ADAM28: variants seen among roughly 807,000 people sequenced by gnomAD.
ADAM28 encodes the protein ADAM metallopeptidase domain 28.
ADAM28 carries 105 observed loss-of-function variants against 101.2 expected under a neutral mutation model. The ratio of observed to expected loss-of-function variants is 1.04; its 90% CI spans 0.89 to 1.22. The LOEUF (loss-of-function observed/expected upper bound fraction) is 1.22, where lower values mean the gene tolerates loss of function less well. Among genes scored for constraint, ADAM28 ranks in the 50% most tolerant of loss-of-function variants. The pLI, the probability that ADAM28 is intolerant of heterozygous loss-of-function variation, is 0.00. For synonymous variants in ADAM28, 322 were observed against 310.6 expected (o/e 1.04, Z -0.39); for missense variants, 1,028 against 945.4 (o/e 1.09, Z -1.15).
In ADAM28 at chr8:24,355,028, A is replaced by C. The variant is rs998963243; in HGVS notation, c.*624A>C. ...TCACTTTTTAAATGGAGAAAATTTCAGTTAAATTAATAGGATAAACCAGGT... is the reference window on the plus strand; with the variant it reads ...TCACTTTTTAAATGGAGAAAATTTCCGTTAAATTAATAGGATAAACCAGGT... On this transcript the variant is annotated 3_prime_UTR_variant, in exon 23 of 23. Transcript: ENST00000265769. The C allele has an allele frequency of 2.0e-5, 3 of 152,610 alleles. No individual in the cohort carries two copies. Among genetic ancestry groups the C allele is most frequent in the Non-Finnish European group, 4.4e-5 (3 of 68,018 alleles). 9.5% of individuals were successfully genotyped at this position (152,610 alleles called of 1,614,324 possible).
At chr8:24,341,898 G>C (rs1003329204) in intron 16 of ADAM28, 141 bp downstream of exon 16, 16 of 978,238 alleles carry the variant, frequency 1.6e-5, no homozygotes, top group Non-Finnish European at 2.3e-5. Context: ...CACAGAGTTT[G>C]AATTTGGAAC....
rs1353556337 is a variant in ADAM28, at chr8:24,299,973, G to GT, written c.47dup (p.Ser17LysfsTer13). 3 of 1,606,916 alleles carry GT rather than the reference G, an allele frequency of 1.9e-6. No homozygotes were observed. Among genetic ancestry groups the GT allele is most frequent in the Middle Eastern group, 3.3e-4 (2 of 6,018 alleles). The stretch of plus-strand genomic sequence containing the variant: ...AGTCTTTTCTTTTTCTTTTTTCTCA[G>GT]TAAGTGCTATAAAAGAACTCCCTGG... On this transcript the variant is annotated frameshift_variant and splice_region_variant. Coordinates refer to ENST00000265769, the MANE Select transcript of ADAM28 (RefSeq NM_014265.6). LOFTEE classifies it high-confidence loss of function.
chr8:24,350,505 T>C (rs11779651), intron 19 of ADAM28, among the ~76,000 whole-genome samples: 55,525 of 151,874 alleles, frequency 0.37, 10,752 homozygotes, highest in Admixed American at 0.49. Flanking sequence ...GAGATGGGGT[T>C]TCACCATGTT....
chr8:24,320,933 A>G (rs1811785015), intron 7 of ADAM28, among the ~76,000 whole-genome samples: 1 of 151,964 alleles, frequency 6.6e-6, no homozygotes, highest in Non-Finnish European at 1.5e-5. Flanking sequence ...TTAATTCTGC[A>G]CACCTTAGAA....
intron 14 of ADAM28, 83 bp downstream of exon 14, chr8:24,335,724 A>G (rs1352055131): frequency 7.0e-7 from 1 of 1,419,522 alleles, no homozygotes; most frequent in East Asian, 2.6e-5. Context: ...TCAAAGGACC[A>G]TTCTGTCCTA....
chr8:24,352,463 AT>A (rs1816278750), intron 21 of ADAM28, among the ~76,000 whole-genome samples: 1 of 152,160 alleles, frequency 6.6e-6, no homozygotes, highest in Non-Finnish European at 1.5e-5. Flanking sequence ...TTTTTATTGT[AT>A]CCTCACATAG....
intron 2 of ADAM28, among the ~76,000 whole-genome samples, chr8:24,305,151 C>T (rs778861154): frequency 6.6e-6 from 1 of 151,794 alleles, no homozygotes; most frequent in Non-Finnish European, 1.5e-5. Flanking sequence ...AATATTCTCT[C>T]TACATTTAGA....
chr8:24,353,315 T>G (rs1449332545), intron 21 of ADAM28, among the ~76,000 whole-genome samples: 1 of 151,894 alleles, frequency 6.6e-6, no homozygotes, highest in African/African-American at 2.4e-5. Flanking sequence ...GGAATAAGAG[T>G]CAGGTGCTCA....
chr8:24,323,920 AAGCTTCACCTTGG>A lies in ADAM28; in HGVS notation c.810_822del (p.Ser270ArgfsTer22). On this transcript the variant is annotated frameshift_variant, in exon 9 of 23. Transcript: ENST00000265769. LOFTEE classifies it high-confidence loss of function. Reference sequence around the variant, plus strand: ...ATAAGATAAAGATAACCCCAAATGCAAGCTTCACCTTGGAGAATTTTTCTAAATGGAGGGGGAG... The same window carrying A: ...ATAAGATAAAGATAACCCCAAATGCAAGAATTTTTCTAAATGGAGGGGGAG... The A allele has an allele frequency of 6.2e-7, 1 of 1,612,368 alleles. No individual in the cohort carries two copies. The highest frequency in any genetic ancestry group is 1.3e-5 in the African/African-American group (1 of 74,934).
At chr8:24,342,085 G>C (rs991446681) in intron 16 of ADAM28, among the ~76,000 whole-genome samples, 4 of 152,120 alleles carry the variant, frequency 2.6e-5, no homozygotes, top group African/African-American at 9.7e-5. Flanking sequence ...TTTCATAGAC[G>C]AAGTCTGAAA....
chr8:24,350,392 A>G (rs1171675325), intron 19 of ADAM28, among the ~76,000 whole-genome samples: 2 of 151,862 alleles, frequency 1.3e-5, no homozygotes, highest in Non-Finnish European at 2.9e-5. Context: ...GCTCACTGCA[A>G]CCTCCACACC....
At chr8:24,326,821 T>C (rs917860144) in intron 10 of ADAM28, among the ~76,000 whole-genome samples, 186 bp downstream of exon 10, 1 of 152,082 alleles carries the variant, frequency 6.6e-6, no homozygotes, top group East Asian at 1.9e-4. Flanking sequence ...GATAATGCAT[T>C]ATCTTTTTAA....
rs1816083268 is a variant in ADAM28, at chr8:24,351,219, T to G, written c.2100-13T>G. 6.4e-7 allele frequency: 1 copy of G among 1,550,620 alleles called. No individual in the cohort carries two copies. Among genetic ancestry groups the G allele is most frequent in the Non-Finnish European group, 8.7e-7 (1 of 1,151,462 alleles). On this transcript the variant is annotated splice_polypyrimidine_tract_variant and intron_variant, in intron 19 of 22. Coordinates refer to ENST00000265769, the MANE Select transcript of ADAM28 (RefSeq NM_014265.6). ...TGCTAAGTCAATTGATATCATGTGT[T>G]TCTCTCTTACAGGCCACTATCTACC...
chr8:24,335,196 C>T (rs1306088014), intron 13 of ADAM28, among the ~76,000 whole-genome samples: 2 of 150,940 alleles, frequency 1.3e-5, no homozygotes, highest in African/African-American at 2.4e-5. Flanking sequence ...TACTTTTCTA[C>T]ATTATGTTTC....
rs5890148 is a variant in ADAM28 at position 24,355,662 on chromosome 8, A to AAGATAGAT, written c.*1262_*1269dup. ...CACACGGTGATTATGAAGGCTGAAA[A>AAGATAGAT]AGATAGATAGAGCAGAAAGATGAAA... is the stretch of plus-strand genomic sequence containing the variant. On this transcript the variant is annotated 3_prime_UTR_variant, in exon 23 of 23. Transcript: ENST00000265769. 0.97 allele frequency: 147,673 copies of AAGATAGAT among 151,882 alleles called. 71,811 individuals are homozygous for AAGATAGAT. The highest frequency in any genetic ancestry group is 1 in the East Asian group (5,148 of 5,160). 9.4% of individuals were successfully genotyped at this position (151,882 alleles called of 1,614,324 possible). A position where few individuals can be genotyped will look rare whatever the true frequency, so the allele number is the denominator to read the frequency against.
chr8:24,321,333 G>A, intron 8 of ADAM28, 44 bp downstream of exon 8: 1 of 1,457,776 alleles, frequency 6.9e-7, no homozygotes. Context: ...AGTTTGCTGG[G>A]AGATGTCACT....
intron 8 of ADAM28, among the ~76,000 whole-genome samples, chr8:24,321,743 A>G (rs76348631): frequency 0.017 from 2,658 of 152,132 alleles, 85 homozygotes; most frequent in African/African-American, 0.06. Context: ...ATTCTCAGAA[A>G]CAAAGAACTT....
chr8:24,308,207 A>G (rs1809962869), intron 2 of ADAM28, among the ~76,000 whole-genome samples: 1 of 152,182 alleles, frequency 6.6e-6, no homozygotes, highest in Non-Finnish European at 1.5e-5. Flanking sequence ...ACTTCTCTTG[A>G]TGCATACTTC....
At chr8:24,301,802 T>A (rs981911560) in intron 2 of ADAM28, among the ~76,000 whole-genome samples, 5 of 152,196 alleles carry the variant, frequency 3.3e-5, no homozygotes, top group Non-Finnish European at 7.3e-5. Context: ...GCCATTAAGG[T>A]AGCTCAAGTT....
Sources: allele counts gnomAD v4.1 joint callset (sites outside exome capture counted in the v4.1 genomes callset), GRCh38; gene constraint gnomAD v4.1.1; transcripts MANE v1.5; gene names NCBI Gene and HGNC (gene_info 2026-07-23, HGNC 2026-07-21).